Variants in EP300 observed in about 807,000 individuals in gnomAD.
The protein encoded by EP300 is EP300 lysine acetyltransferase, also known as histone acetyltransferase p300.
Under a neutral mutation model 264.0 loss-of-function variants are expected in EP300, and 31 were observed. The observed-to-expected ratio is 0.12, with a 90% CI of 0.09 to 0.16. The LOEUF (loss-of-function observed/expected upper bound fraction) is 0.16, where lower values mean the gene tolerates loss of function less well. EP300 is among the 10% of genes least tolerant of loss of function. EP300 has a pLI of 1.00. For synonymous variants in EP300, 1,340 were observed against 1,045.4 expected (o/e 1.28, Z -5.44); for missense variants, 2,766 against 3,052.9 (o/e 0.91, Z 2.21).
At chr22:41,154,299 A>G (rs990497658) in intron 16 of EP300, among the ~76,000 whole-genome samples, 1 of 151,532 alleles carries the variant, frequency 6.6e-6, no homozygotes, top group Non-Finnish European at 1.5e-5. Context: ...GACTTGTTAA[A>G]TACTGATGTC....
At chr22:41,161,090 G>A (rs1056264330) in intron 20 of EP300, among the ~76,000 whole-genome samples, 1 of 152,112 alleles carries the variant, frequency 6.6e-6, no homozygotes, top group Non-Finnish European at 1.5e-5. Flanking sequence ...AAAAATTGGA[G>A]GTTAGTACAA....
chr22:41,150,900 A>G (rs1014448699), intron 14 of EP300, among the ~76,000 whole-genome samples: 15 of 151,938 alleles, frequency 9.9e-5, no homozygotes, highest in Non-Finnish European at 2.2e-4. Flanking sequence ...AAAAAAAAAA[A>G]AAAAAATTGC....
intron 13 of EP300, 55 bp downstream of exon 13, chr22:41,149,230 A>T (rs2145736401): frequency 6.2e-7 from 1 of 1,607,888 alleles, no homozygotes; most frequent in Non-Finnish European, 8.5e-7. Context: ...ACTTCTCTTG[A>T]TGTAGGTTTT....
chr22:41,137,505 TCA>T (rs1195602214), intron 7 of EP300, 146 bp from the exon 8 acceptor site: 1 of 1,019,582 alleles, frequency 9.8e-7, no homozygotes, highest in Non-Finnish European at 1.5e-6. Context: ...ATCAGTCTAG[TCA>T]CACACTTCTC....
chr22:41,118,142 C>T (rs1360667575), intron 2 of EP300, among the ~76,000 whole-genome samples: 2 of 152,156 alleles, frequency 1.3e-5, no homozygotes, highest in Admixed American at 6.6e-5. Flanking sequence ...AGATGGCTGG[C>T]ATTACACTGT....
At position 41,092,674 on chromosome 22, in the gene EP300, G is replaced by T; in HGVS notation, c.-331G>T. On this transcript the variant is annotated 5_prime_UTR_variant, in exon 1 of 31. Transcript: ENST00000263253. ...AGAGACCTCGGCTGGGCAGGGGCCG[G>T]CCGTGGCGGGCCGGGGACTGCGCCT... 1.6e-6 allele frequency: 1 copy of T among 623,114 alleles called. No individual in the cohort carries two copies. The highest frequency in any genetic ancestry group is 2.0e-5 in the South Asian group (1 of 49,434). The allele number at this position is 623,114 out of a possible 1,614,324, so 38.6% of individuals were successfully genotyped here.
rs530588738 is a variant in EP300, at chr22:41,092,686, C to T, written c.-319C>T. 2 of 618,028 alleles carry T rather than the reference C, an allele frequency of 3.2e-6. No homozygotes were observed. Among genetic ancestry groups the T allele is most frequent in the African/African-American group, 1.9e-5 (1 of 53,730 alleles). The allele number at this position is 618,028 out of a possible 1,614,324, so 38.3% of individuals were successfully genotyped here. Reference sequence around the variant, plus strand: ...TGGGCAGGGGCCGGCCGTGGCGGGCCGGGGACTGCGCCTCTAGAGCCGCGA... The same window carrying T: ...TGGGCAGGGGCCGGCCGTGGCGGGCTGGGGACTGCGCCTCTAGAGCCGCGA... On this transcript the variant is annotated 5_prime_UTR_variant, in exon 1 of 31. Transcript: ENST00000263253.
chr22:41,166,743 CT>C, intron 23 of EP300, 77 bp downstream of exon 23: 1 of 982,528 alleles, frequency 1.0e-6, no homozygotes, highest in South Asian at 1.4e-5. Flanking sequence ...AAGTGAATTA[CT>C]TTGTTTTTAA....
At chr22:41,148,471 A>AC (rs1392797916) in intron 12 of EP300, among the ~76,000 whole-genome samples, 1 of 152,120 alleles carries the variant, frequency 6.6e-6, no homozygotes, top group Non-Finnish European at 1.5e-5. Context: ...AACCTATAAG[A>AC]CAGATGGTCT....
intron 2 of EP300, among the ~76,000 whole-genome samples, chr22:41,118,242 A>G (rs2058832447): frequency 6.6e-6 from 1 of 152,182 alleles, no homozygotes; most frequent in South Asian, 2.1e-4. Context: ...ATTAACTGTT[A>G]TTTTTCTTTA....
chr22:41,094,265 C>T (rs981095710), intron 1 of EP300, among the ~76,000 whole-genome samples: 2 of 152,158 alleles, frequency 1.3e-5, no homozygotes, highest in African/African-American at 4.8e-5. Flanking sequence ...GCAGGCTCAG[C>T]GTCATCCCTC....
intron 7 of EP300, among the ~76,000 whole-genome samples, chr22:41,136,625 C>T (rs566086579): frequency 1.2e-4 from 18 of 152,198 alleles, no homozygotes; most frequent in African/African-American, 4.1e-4. Context: ...TACACCACTG[C>T]ACCCTAGTCT....
intron 2 of EP300, among the ~76,000 whole-genome samples, chr22:41,124,979 C>T (rs1000456493): frequency 6.6e-5 from 10 of 152,058 alleles, no homozygotes; most frequent in African/African-American, 1.4e-4. Flanking sequence ...ACTCTGTTGC[C>T]GAGGCTGGAG....
intron 1 of EP300, among the ~76,000 whole-genome samples, chr22:41,103,119 G>C (rs763382661): frequency 6.6e-6 from 1 of 152,126 alleles, no homozygotes; most frequent in Non-Finnish European, 1.5e-5. Context: ...AAAAGTGCTG[G>C]GATTACAGGC....
intron 27 of EP300, among the ~76,000 whole-genome samples, chr22:41,171,282 ATC>A (rs987021622): frequency 6.6e-6 from 1 of 150,688 alleles, no homozygotes; most frequent in Non-Finnish European, 1.5e-5. Context: ...CTTAAAATAT[ATC>A]TTTTTGTTTT....
chr22:41,140,281 T>C (rs773415463), intron 9 of EP300, 24 bp downstream of exon 9: 1 of 1,467,110 alleles, frequency 6.8e-7, no homozygotes, highest in South Asian at 1.1e-5. Flanking sequence ...TTTTTTCTAT[T>C]AATAGCCAAG....
At chr22:41,161,433 C>A (rs532291670) in intron 20 of EP300, among the ~76,000 whole-genome samples, 1 of 152,130 alleles carries the variant, frequency 6.6e-6, no homozygotes, top group East Asian at 1.9e-4. Context: ...CTGGCTAACA[C>A]GGTGAAGCCC....
In EP300 at chr22:41,173,609, G is replaced by A. The variant is rs1238688044; in HGVS notation, c.4618-14G>A. 3.1e-6 allele frequency: 5 copies of A among 1,613,806 alleles called. No homozygotes were observed. The highest frequency in any genetic ancestry group is 2.2e-5 in the East Asian group (1 of 44,884). On this transcript the variant is annotated splice_polypyrimidine_tract_variant and intron_variant, in intron 28 of 30. Coordinates refer to ENST00000263253, the MANE Select transcript of EP300 (RefSeq NM_001429.4). ...AAAACCTTATTTTCTTGTCTCCTTT[G>A]TGCTACTCTGCAGGTGACCAAGGGA...
In EP300 at chr22:41,178,144, C is replaced by G; in HGVS notation, c.6433C>G (p.Leu2145Val). The stretch of plus-strand genomic sequence containing the variant: ...GCAGGCGGGCGTTCAGAGGGCTGGC[C>G]TGCCCCAGCAGCAACCACAGCAGCA... ...PMQAGVQRAG[L>V]PQQQPQQQLQ... The change falls in exon 31 of 31, where the codon CTG (leucine) becomes GTG (valine). Residue 2145 changes from leucine to valine, a missense_variant. Transcript: ENST00000263253. 1.2e-6 allele frequency: 2 copies of G among 1,614,182 alleles called. No homozygotes were observed. Among genetic ancestry groups the G allele is most frequent in the Non-Finnish European group, 8.5e-7 (1 of 1,180,022 alleles).
Sources: gnomAD v4.1 joint callset for allele counts (sites outside exome capture counted in the v4.1 genomes callset) on GRCh38, gnomAD v4.1.1 for gene constraint, MANE v1.5 for transcripts, NCBI Gene and HGNC (gene_info 2026-07-23, HGNC 2026-07-21) for gene names.